CDH4: variants seen among roughly 807,000 people sequenced by gnomAD.
The protein encoded by CDH4 is cadherin 4.
CDH4 carries 33 observed loss-of-function variants against 86.0 expected under a neutral mutation model. The observed-to-expected ratio is 0.38, with a 90% confidence interval of 0.29 to 0.51. CDH4 has a LOEUF of 0.51. Ranked by LOEUF, CDH4 falls within the 20% of genes least tolerant of loss-of-function variation. The pLI is 0.86. For missense variants in CDH4, 1,114 were observed against 1,307.4 expected (o/e 0.85, Z 2.28); for synonymous variants, 555 against 549.4 (o/e 1.01, Z -0.14).
intron 3 of CDH4, among the ~76,000 whole-genome samples, chr20:61,745,485 G>A (rs565412599): frequency 3.7e-4 from 57 of 152,320 alleles, no homozygotes; most frequent in Non-Finnish European, 1.3e-4. Context: ...CTGACCCCAC[G>A]GGGGAAGGAG....
intron 2 of CDH4, among the ~76,000 whole-genome samples, chr20:61,730,535 C>T (rs1428434975): frequency 6.6e-6 from 1 of 152,270 alleles, no homozygotes; most frequent in African/African-American, 2.4e-5. Context: ...GTGCATTTAC[C>T]CCATTAAGTT....
intron 14 of CDH4, 84 bp downstream of exon 14, chr20:61,933,208 T>G: frequency 9.8e-5 from 148 of 1,512,258 alleles, no homozygotes; most frequent in Middle Eastern, 2.3e-4. Context: ...GCCCTGGGGT[T>G]TAACAGTAAG....
At chr20:61,448,391 A>G (rs912793228) in intron 2 of CDH4, among the ~76,000 whole-genome samples, 3 of 152,226 alleles carry the variant, frequency 2.0e-5, no homozygotes, top group East Asian at 1.9e-4. Context: ...AAAAACTACT[A>G]GAAATTTGGG....
At chr20:61,907,631 G>A (rs1411495135) in intron 8 of CDH4, among the ~76,000 whole-genome samples, 1 of 152,164 alleles carries the variant, frequency 6.6e-6, no homozygotes, top group Non-Finnish European at 1.5e-5. Context: ...CTCCTGGGCG[G>A]CTCAAAACGT....
intron 2 of CDH4, among the ~76,000 whole-genome samples, chr20:61,336,630 G>A (rs1255647036): frequency 6.6e-6 from 1 of 152,142 alleles, no homozygotes; most frequent in Non-Finnish European, 1.5e-5. Flanking sequence ...AGGAAGCCAG[G>A]GCCTTCTATA....
intron 4 of CDH4, among the ~76,000 whole-genome samples, chr20:61,827,039 C>T (rs1303686452): frequency 1.3e-5 from 2 of 149,842 alleles, no homozygotes; most frequent in East Asian, 3.9e-4. Flanking sequence ...AAAAAAGATA[C>T]AATAAATAAA....
rs574592249 is a variant in CDH4, at chr20:61,940,513, C to CCAGA, written c.*3574_*3577dup. On this transcript the variant is annotated 3_prime_UTR_variant, in exon 16 of 16. Coordinates refer to ENST00000614565, the MANE Select transcript of CDH4 (RefSeq NM_001794.5). ...TGATGTTTTCAGTGTGTTTCCAGTG[C>CCAGA]CAGACAGTCTTGGTCCTGAACTCAG... 2 of 151,932 alleles carry CCAGA rather than the reference C, an allele frequency of 1.3e-5. No individual in the cohort carries two copies. The highest frequency in any genetic ancestry group is 2.9e-5 in the Non-Finnish European group (2 of 68,032). The allele number at this position is 151,932 out of a possible 1,614,324, so 9.4% of individuals were successfully genotyped here.
chr20:61,883,709 TG>T (rs970672925), intron 7 of CDH4, among the ~76,000 whole-genome samples: 8 of 151,990 alleles, frequency 5.3e-5, no homozygotes, highest in African/African-American at 1.7e-4. Flanking sequence ...GACCCAGGGG[TG>T]GGGGGCCAAG....
chr20:61,419,593 G>T (rs2085166082), intron 2 of CDH4, among the ~76,000 whole-genome samples: 1 of 152,028 alleles, frequency 6.6e-6, no homozygotes, highest in Admixed American at 6.5e-5. Context: ...GAAGGTTCTG[G>T]CCCTGTCTGC....
chr20:61,670,282 C>T (rs2087371975), intron 2 of CDH4, among the ~76,000 whole-genome samples: 1 of 152,232 alleles, frequency 6.6e-6, no homozygotes, highest in African/African-American at 2.4e-5. Context: ...TGGTCCCCAA[C>T]AGCTTCTGAC....
At chr20:61,433,279 C>G (rs1181141366) in intron 2 of CDH4, among the ~76,000 whole-genome samples, 1 of 152,132 alleles carries the variant, frequency 6.6e-6, no homozygotes, top group African/African-American at 2.4e-5. Flanking sequence ...GAAATTACCT[C>G]GGCGGTTTTG....
chr20:61,706,408 C>T (rs748290655), intron 2 of CDH4, among the ~76,000 whole-genome samples: 10 of 152,188 alleles, frequency 6.6e-5, no homozygotes, highest in Non-Finnish European at 1.3e-4. Flanking sequence ...CCTCATTTGC[C>T]GCAGACCCCC....
chr20:61,403,085 G>A (rs1413760263), intron 2 of CDH4, among the ~76,000 whole-genome samples: 1 of 152,188 alleles, frequency 6.6e-6, no homozygotes, highest in African/African-American at 2.4e-5. Flanking sequence ...GGTCTCTCCT[G>A]CCCCCATTCT....
At chr20:61,685,280 C>T (rs937179082) in intron 2 of CDH4, among the ~76,000 whole-genome samples, 3 of 152,166 alleles carry the variant, frequency 2.0e-5, no homozygotes, top group South Asian at 2.1e-4. Context: ...ACTCTCCATG[C>T]GCTGCTACTG....
chr20:61,753,853 T>C (rs774959519), intron 3 of CDH4, among the ~76,000 whole-genome samples: 28 of 152,270 alleles, frequency 1.8e-4, no homozygotes, highest in South Asian at 6.2e-4. Flanking sequence ...TCCTTTGGGC[T>C]GAACTATGTC....
At chr20:61,258,336 A>AAAAAAAAG (rs1724213666) in intron 2 of CDH4, among the ~76,000 whole-genome samples, 3 of 140,264 alleles carry the variant, frequency 2.1e-5, no homozygotes, top group Admixed American at 7.0e-5. Context: ...TCTCAAAAAA[A>AAAAAAAAG]AAAAAAAAAG....
At chr20:61,905,859 C>T (rs899299222) in intron 8 of CDH4, among the ~76,000 whole-genome samples, 1 of 152,196 alleles carries the variant, frequency 6.6e-6, no homozygotes, top group African/African-American at 2.4e-5. Context: ...ACTATGCTGA[C>T]CCTGGCAGCT....
In CDH4 at chr20:61,923,642, C is replaced by T. The variant is rs753718602; in HGVS notation, c.1566C>T (p.Pro522=). ...KLIRLEEGVP[P]GTVLTTFSAV... ...TCCGCCTGGAGGAGGGCGTGCCCCC[C>T]GGCACCGTGCTGACCACGTTTTCAG... Residue 522 remains proline, a synonymous_variant, in exon 10 of 16, where the codon CCC becomes CCT. Transcript: ENST00000614565. 14 of 1,613,932 alleles carry T rather than the reference C, an allele frequency of 8.7e-6. No individual in the cohort carries two copies. Among genetic ancestry groups the T allele is most frequent in the Middle Eastern group, 3.3e-4 (2 of 6,084 alleles).
chr20:61,926,884 AAAAG>A (rs1035679092), intron 11 of CDH4, among the ~76,000 whole-genome samples: 29 of 152,162 alleles, frequency 1.9e-4, no homozygotes, highest in Admixed American at 7.2e-4. Flanking sequence ...AAAAAGAAAA[AAAAG>A]AAAGAAAGTG....
Sources: gnomAD v4.1 joint callset for allele counts (sites outside exome capture counted in the v4.1 genomes callset) on GRCh38, gnomAD v4.1.1 for gene constraint, MANE v1.5 for transcripts, NCBI Gene and HGNC (gene_info 2026-07-23, HGNC 2026-07-21) for gene names.